PPP1R12B: variants seen among roughly 807,000 people sequenced by gnomAD.
The protein encoded by PPP1R12B is protein phosphatase 1 regulatory subunit 12B.
PPP1R12B carries 76 observed loss-of-function variants against 126.1 expected under a neutral mutation model. The observed-to-expected ratio is 0.60, with a 90% CI of 0.50 to 0.73. The LOEUF (loss-of-function observed/expected upper bound fraction) is 0.73, where lower values mean the gene tolerates loss of function less well. Among genes scored for constraint, PPP1R12B ranks in the 30% least tolerant of loss-of-function variants. The probability of loss-of-function intolerance (pLI) is 0.00; values close to 1 mark genes in which losing one functional copy is unlikely to be tolerated. For synonymous variants in PPP1R12B, 356 were observed against 434.7 expected, an observed-to-expected ratio of 0.82 and a Z score of 2.25; for missense variants, 1,052 against 1,205.1, an observed-to-expected ratio of 0.87 and a Z score of 1.88.
chr1:202,490,486 G>A (rs147395570), intron 14 of PPP1R12B, among the ~76,000 whole-genome samples: 4 of 152,096 alleles, frequency 2.6e-5, no homozygotes, highest in Admixed American at 6.5e-5. Context: ...TGAAATATAC[G>A]TAACATAAAA....
chr1:202,501,036 G>A (rs1436990408), intron 18 of PPP1R12B, among the ~76,000 whole-genome samples: 2 of 152,154 alleles, frequency 1.3e-5, no homozygotes, highest in African/African-American at 4.8e-5. Flanking sequence ...CAATGAATAT[G>A]TAAAATTGAC....
chr1:202,496,435 C>T (rs1411404462), intron 17 of PPP1R12B, among the ~76,000 whole-genome samples: 3 of 152,188 alleles, frequency 2.0e-5, no homozygotes, highest in Non-Finnish European at 2.9e-5. Flanking sequence ...AGTAGTCATT[C>T]ATTATAAATT....
chr1:202,391,471 G>C (rs547280290), intron 1 of PPP1R12B, among the ~76,000 whole-genome samples: 6 of 152,272 alleles, frequency 3.9e-5, no homozygotes, highest in Admixed American at 2.0e-4. Context: ...CAGTCTGGCA[G>C]TTCCTCAAAC....
At chr1:202,548,800 C>CTATATATATA (rs1685963363) in intron 18 of PPP1R12B, among the ~76,000 whole-genome samples, 2 of 104,738 alleles carry the variant, frequency 1.9e-5, no homozygotes, top group Non-Finnish European at 4.1e-5. Flanking sequence ...CTCTCTCTCT[C>CTATATATATA]TCTCTCTCTA....
At chr1:202,472,892 A>C (rs572773433) in intron 13 of PPP1R12B, among the ~76,000 whole-genome samples, 10 of 152,274 alleles carry the variant, frequency 6.6e-5, no homozygotes, top group African/African-American at 2.2e-4. Context: ...AGCCTTGCCT[A>C]TTCATTTATG....
intron 10 of PPP1R12B, chr1:202,438,566 C>T: frequency 2.2e-6 from 1 of 448,612 alleles, no homozygotes; most frequent in Non-Finnish European, 4.2e-6. Flanking sequence ...GTGGAAGAGG[C>T]TGAACAGCCT....
intron 13 of PPP1R12B, among the ~76,000 whole-genome samples, chr1:202,457,781 C>T (rs1443074496): frequency 3.3e-5 from 5 of 151,962 alleles, no homozygotes; most frequent in Non-Finnish European, 7.4e-5. Flanking sequence ...TTTTGAAAGG[C>T]AACTTTAAGT....
At position 202,530,603 on chromosome 1, in the gene PPP1R12B, G is replaced by A. The variant is rs542378702; in HGVS notation, c.2491-28274G>A. On this transcript the variant is annotated intron_variant, in intron 18 of 23. Transcript: ENST00000608999. ...AATGAATTTCTGAGACTTAACATTC[G>A]TAACACTAGGGCATGATTAAATATA... Among the ~76,000 whole-genome samples the A allele has an allele frequency of 7.2e-5, 11 of 152,182 alleles. No individual in the cohort carries two copies. The South Asian group carries it at 2.3e-3, about 32-fold the overall frequency.
At chr1:202,420,355 G>T (rs1176477025) in intron 2 of PPP1R12B, among the ~76,000 whole-genome samples, 1 of 152,160 alleles carries the variant, frequency 6.6e-6, no homozygotes, top group Admixed American at 6.5e-5. Flanking sequence ...AACAGGCAAA[G>T]GTTTCATGAA....
At chr1:202,489,085 A>G (rs1678531238) in intron 14 of PPP1R12B, among the ~76,000 whole-genome samples, 1 of 152,212 alleles carries the variant, frequency 6.6e-6, no homozygotes, top group African/African-American at 2.4e-5. Flanking sequence ...TGACTGCCCT[A>G]TTCCAGCCAG....
At chr1:202,491,961 C>T (rs1026572084) in intron 14 of PPP1R12B, among the ~76,000 whole-genome samples, 1 of 152,192 alleles carries the variant, frequency 6.6e-6, no homozygotes, top group African/African-American at 2.4e-5. Context: ...CATTCTCTCT[C>T]TGTCCTCCAA....
At chr1:202,477,842 T>G (rs1479551142) in intron 13 of PPP1R12B, among the ~76,000 whole-genome samples, 2 of 152,210 alleles carry the variant, frequency 1.3e-5, no homozygotes, top group Non-Finnish European at 2.9e-5. Flanking sequence ...TCATACCAAA[T>G]ACAAAGAAAA....
intron 1 of PPP1R12B, among the ~76,000 whole-genome samples, chr1:202,364,777 T>C (rs537488828): frequency 2.3e-4 from 35 of 152,130 alleles, no homozygotes; most frequent in Non-Finnish European, 3.8e-4. Flanking sequence ...GGGGTTTCAC[T>C]GTGTTAGCCA....
At position 202,431,589 on chromosome 1, in the gene PPP1R12B, G is replaced by A. The variant is rs1477926359; in HGVS notation, c.1111G>A (p.Ala371Thr). Residue 371 changes from alanine to threonine, a missense_variant, in exon 8 of 24, where the codon GCT (alanine) becomes ACT (threonine). Physicochemically the swap from Ala to Thr is moderately conservative, Grantham distance 58 (BLOSUM62 0). Transcript: ENST00000608999. ...AGAGGAGGAGGAAGGTGAAGATGAA[G>A]CTTCTGAGTCAGAAACTGAGAAGGA... Reference protein sequence around the residue: ...SSEEEEGEDEASESETEKEAD... With the variant: ...SSEEEEGEDETSESETEKEAD... 2 of 1,609,906 alleles carry A rather than the reference G, an allele frequency of 1.2e-6. No individual in the cohort carries two copies. Among genetic ancestry groups the A allele is most frequent in the Admixed American group, 3.4e-5 (2 of 58,936 alleles).
chr1:202,366,517 C>CAAAAAAAAAAAAAAAAAAAAAA (rs10570958), intron 1 of PPP1R12B, among the ~76,000 whole-genome samples: 1 of 73,048 alleles, frequency 1.4e-5, no homozygotes, highest in Non-Finnish European at 2.5e-5. Context: ...GACTCCATCT[C>CAAAAAAAAAAAAAAAAAAAAAA]AAAAAAAAAA....
At chr1:202,499,151 C>T (rs1445009255) in intron 18 of PPP1R12B, among the ~76,000 whole-genome samples, 1 of 152,100 alleles carries the variant, frequency 6.6e-6, no homozygotes, top group African/African-American at 2.4e-5. Flanking sequence ...TCATCATTAA[C>T]GCTCAAGAAT....
chr1:202,532,267 A>G (rs1200791691), intron 18 of PPP1R12B, among the ~76,000 whole-genome samples: 1 of 152,156 alleles, frequency 6.6e-6, no homozygotes, highest in Non-Finnish European at 1.5e-5. Context: ...TCTCATTGCC[A>G]TCTTGGTTTT....
At chr1:202,353,144 G>T (rs1445983064) in intron 1 of PPP1R12B, among the ~76,000 whole-genome samples, 1 of 152,210 alleles carries the variant, frequency 6.6e-6, no homozygotes, top group Non-Finnish European at 1.5e-5. Flanking sequence ...CAGAAGATGA[G>T]TAAGATGAAT....
In PPP1R12B at chr1:202,588,872, T is replaced by TGATAGATA. The variant is rs1553332292; in HGVS notation, c.*8312_*8313insGATAGATA. The stretch of plus-strand genomic sequence containing the variant: ...ATAGATAGATAGATAGATAGATAGA[T>TGATAGATA]ATCAAGGTTCCAAGCTTCAAGTAAC... On this transcript the variant is annotated 3_prime_UTR_variant, in exon 24 of 24. Coordinates refer to ENST00000608999, the MANE Select transcript of PPP1R12B (RefSeq NM_002481.4). 3 of 146,970 alleles carry TGATAGATA rather than the reference T, an allele frequency of 2.0e-5. No individual in the cohort carries two copies. The highest frequency in any genetic ancestry group is 7.9e-5 in the African/African-American group (3 of 37,810). The allele number at this position is 146,970 out of a possible 1,614,324, so 9.1% of individuals were successfully genotyped here. A position where few individuals can be genotyped will look rare whatever the true frequency, so the allele number is the denominator to read the frequency against.
Sources: gnomAD v4.1 joint callset for allele counts (sites outside exome capture counted in the v4.1 genomes callset) on GRCh38, gnomAD v4.1.1 for gene constraint, MANE v1.5 for transcripts, NCBI Gene and HGNC (gene_info 2026-07-23, HGNC 2026-07-21) for gene names.